UNC13C: variants seen among roughly 807,000 people sequenced by gnomAD.
UNC13C encodes protein unc-13 homolog C.
In UNC13C, 174 loss-of-function variants were observed where a neutral mutation model predicts 245.4. That is an observed-to-expected ratio of 0.71 (90% CI 0.63 to 0.80). The LOEUF is 0.80. Among genes scored for constraint, UNC13C ranks in the 30% least tolerant of loss-of-function variants. The pLI is 0.00. For missense variants in UNC13C, 2,829 were observed against 2,602.9 expected (o/e 1.09, Z -1.89); for synonymous variants, 992 against 895.1 (o/e 1.11, Z -1.93).
At chr15:53,888,834 A>T in the UNC13C span, among the ~76,000 whole-genome samples, 1 of 152,118 alleles carries the variant, frequency 6.6e-6, no homozygotes, top group Non-Finnish European at 1.5e-5. Flanking sequence ...TATTTGTGTC[A>T]GGTTTGTCAA....
the UNC13C span, among the ~76,000 whole-genome samples, chr15:53,889,187 G>A: frequency 2.6e-5 from 4 of 152,272 alleles, no homozygotes; most frequent in South Asian, 4.2e-4. Flanking sequence ...CTATGAGCAT[G>A]GAATGTTTTT....
At chr15:54,191,793 T>C (rs2034192499) in intron 4 of UNC13C, among the ~76,000 whole-genome samples, 2 of 152,244 alleles carry the variant, frequency 1.3e-5, no homozygotes, top group South Asian at 4.1e-4. Flanking sequence ...TGCATTTCTC[T>C]AATGACCAGT....
chr15:54,250,702 A>C (rs187365060), intron 8 of UNC13C, among the ~76,000 whole-genome samples: 61 of 147,486 alleles, frequency 4.1e-4, no homozygotes, highest in African/African-American at 1.5e-3. Context: ...TAAACCTTCA[A>C]AGTGACTTCC....
the UNC13C span, among the ~76,000 whole-genome samples, chr15:53,935,794 T>G: frequency 6.6e-6 from 1 of 152,072 alleles, no homozygotes; most frequent in East Asian, 1.9e-4. Context: ...ACTTTTCCCA[T>G]GGATCTCTGA....
chr15:54,571,234 G>T (rs1490326932), intron 30 of UNC13C, among the ~76,000 whole-genome samples: 1 of 152,212 alleles, frequency 6.6e-6, no homozygotes, highest in Admixed American at 6.5e-5. Context: ...AGTTCAGCAT[G>T]GCTGTGGAGG....
At chr15:54,194,175 A>C (rs2034278169) in intron 4 of UNC13C, among the ~76,000 whole-genome samples, 1 of 152,150 alleles carries the variant, frequency 6.6e-6, no homozygotes, top group Non-Finnish European at 1.5e-5. Flanking sequence ...TTTGGAGACT[A>C]TACAATGACC....
chr15:54,456,169 G>T (rs1304528478), intron 19 of UNC13C, among the ~76,000 whole-genome samples: 2 of 152,116 alleles, frequency 1.3e-5, no homozygotes, highest in Admixed American at 1.3e-4. Context: ...TGAGGATTTG[G>T]CCTCACTTCT....
intron 7 of UNC13C, among the ~76,000 whole-genome samples, chr15:54,240,714 T>C (rs2035828887): frequency 6.6e-6 from 1 of 152,142 alleles, no homozygotes; most frequent in Non-Finnish European, 1.5e-5. Context: ...TAATAAGCTG[T>C]TAAGGATTAT....
chr15:54,092,592 C>T (rs180900613), intron 2 of UNC13C, among the ~76,000 whole-genome samples: 297 of 152,158 alleles, frequency 2.0e-3, no homozygotes, highest in Non-Finnish European at 3.5e-3. Flanking sequence ...AAATCTGTCC[C>T]CTTAATCCCC....
chr15:54,290,226 G>A (rs1042479984), intron 10 of UNC13C, among the ~76,000 whole-genome samples: 17 of 152,190 alleles, frequency 1.1e-4, no homozygotes, highest in African/African-American at 2.9e-4. Flanking sequence ...GAGAAAAAAT[G>A]TAAGAGCTGG....
chr15:54,554,006 C>T (rs1413450449), intron 28 of UNC13C, among the ~76,000 whole-genome samples: 1 of 151,846 alleles, frequency 6.6e-6, no homozygotes, highest in Non-Finnish European at 1.5e-5. Flanking sequence ...AACTTGAAAT[C>T]CCCGTATCAG....
intron 4 of UNC13C, among the ~76,000 whole-genome samples, chr15:54,186,437 A>G (rs951775312): frequency 4.6e-5 from 7 of 152,200 alleles, no homozygotes; most frequent in Non-Finnish European, 1.0e-4. Context: ...TTTAAAAATT[A>G]TATCTTAAGC....
At position 54,280,785 on chromosome 15, in the gene UNC13C, C is replaced by CACAT. The variant is rs1555443222; in HGVS notation, c.3819-13109_3819-13108insCATA. Among the ~76,000 whole-genome samples the CACAT allele has an allele frequency of 9.8e-4, 140 of 142,410 alleles. 1 individual carries two copies. The highest frequency in any genetic ancestry group is 2.4e-3 in the African/African-American group (93 of 38,970). The allele number at this position is 142,410 out of a possible 152,430, so 93.4% of individuals were successfully genotyped here. ...ACATACATACATATATATATATACA[C>CACAT]ATATATATATATATACTTTTTAAAA... On this transcript the variant is annotated intron_variant, in intron 10 of 32. Transcript: ENST00000260323.
the UNC13C span, among the ~76,000 whole-genome samples, chr15:53,941,514 T>C: frequency 3.3e-5 from 5 of 152,018 alleles, no homozygotes; most frequent in Admixed American, 6.6e-5. Context: ...ACCACCTACA[T>C]AATGGGAGAA....
chr15:54,352,927 A>T (rs1374829711), intron 17 of UNC13C, among the ~76,000 whole-genome samples: 2 of 152,166 alleles, frequency 1.3e-5, no homozygotes, highest in African/African-American at 4.8e-5. Context: ...TGATTTTTAC[A>T]ATTTTATCTA....
the UNC13C span, among the ~76,000 whole-genome samples, chr15:53,877,569 C>CAG: frequency 0.15 from 22,308 of 149,158 alleles, 1,748 homozygotes; most frequent in East Asian, 0.3. Flanking sequence ...TTTGTGGATA[C>CAG]AGAGAGAGAG....
chr15:54,567,754 C>A, intron 29 of UNC13C, 46 bp from the exon 30 acceptor site: 1 of 1,505,422 alleles, frequency 6.6e-7, no homozygotes. Context: ...TTCTGTCTTC[C>A]AATACTTCTC....
intron 30 of UNC13C, among the ~76,000 whole-genome samples, chr15:54,616,258 T>C (rs1354629685): frequency 6.6e-6 from 1 of 151,590 alleles, no homozygotes; most frequent in Non-Finnish European, 1.5e-5. Context: ...AAATAGGGAG[T>C]CCTAGGAAAC....
the UNC13C span, among the ~76,000 whole-genome samples, chr15:53,889,036 C>G: frequency 0.023 from 3,492 of 152,068 alleles, 153 homozygotes; most frequent in African/African-American, 0.08. Flanking sequence ...TCTGCGGGCT[C>G]TTTTTTGGTT....
Sources: allele counts gnomAD v4.1 joint callset (sites outside exome capture counted in the v4.1 genomes callset), GRCh38; gene constraint gnomAD v4.1.1; transcripts MANE v1.5; gene names NCBI Gene and HGNC (gene_info 2026-07-23, HGNC 2026-07-21).